The following ERBB4 variants were observed in gnomAD, a reference collection of about 807,000 sequenced individuals.
ERBB4 encodes receptor tyrosine-protein kinase erbB-4.
ERBB4 carries 42 observed loss-of-function variants against 158.0 expected under a neutral mutation model. The ratio of observed to expected loss-of-function variants is 0.27; its 90% CI spans 0.21 to 0.34. The LOEUF (loss-of-function observed/expected upper bound fraction) is 0.34. Among genes scored for constraint, ERBB4 ranks in the 10% least tolerant of loss-of-function variants. The pLI is 1.00. For missense variants in ERBB4, 1,333 were observed against 1,624.1 expected (o/e 0.82, Z 3.08); for synonymous variants, 583 against 558.7 (o/e 1.04, Z -0.61).
intron 1 of ERBB4, among the ~76,000 whole-genome samples, chr2:212,272,216 G>T (rs541976905): frequency 6.6e-6 from 1 of 151,606 alleles, no homozygotes; most frequent in African/African-American, 2.4e-5. Flanking sequence ...TGCCAAAAAG[G>T]TATTTAATTT....
intron 16 of ERBB4, among the ~76,000 whole-genome samples, chr2:211,651,240 T>C (rs894088143): frequency 4.6e-5 from 7 of 152,174 alleles, no homozygotes; most frequent in Non-Finnish European, 1.0e-4. Context: ...AATATGATAA[T>C]ACATTATTTG....
At chr2:212,399,575 T>C (rs1484486776) in intron 1 of ERBB4, among the ~76,000 whole-genome samples, 1 of 81,462 alleles carries the variant, frequency 1.2e-5, no homozygotes, top group Non-Finnish European at 2.4e-5. Context: ...TATATATATA[T>C]ATATATATAT....
chr2:211,855,768 C>G (rs981863778), intron 3 of ERBB4, among the ~76,000 whole-genome samples: 1 of 152,080 alleles, frequency 6.6e-6, no homozygotes, highest in Non-Finnish European at 1.5e-5. Flanking sequence ...CAAGAATATT[C>G]TGTTTGTCCT....
At chr2:211,604,803 G>A (rs1259351468) in intron 19 of ERBB4, among the ~76,000 whole-genome samples, 2 of 152,076 alleles carry the variant, frequency 1.3e-5, no homozygotes, top group African/African-American at 4.8e-5. Flanking sequence ...ATAAAACCCT[G>A]TAGTATTAAT....
At chr2:211,873,418 T>G (rs2078404166) in intron 3 of ERBB4, among the ~76,000 whole-genome samples, 1 of 151,578 alleles carries the variant, frequency 6.6e-6, no homozygotes. Flanking sequence ...CTCTGTAGTT[T>G]CTCTTCATAA....
intron 5 of ERBB4, among the ~76,000 whole-genome samples, chr2:211,743,707 A>G (rs954234343): frequency 1.3e-5 from 2 of 152,216 alleles, no homozygotes; most frequent in African/African-American, 4.8e-5. Flanking sequence ...GACTTCACAT[A>G]GCAGATAAGT....
chr2:212,022,261 A>G (rs1575528589), intron 2 of ERBB4, among the ~76,000 whole-genome samples: 1 of 152,350 alleles, frequency 6.6e-6, no homozygotes, highest in Non-Finnish European at 1.5e-5. Context: ...TATTCACAAT[A>G]GCAAAGTAAT....
chr2:211,388,966 T>C lies in ERBB4; in HGVS notation c.3136-974A>G, dbSNP rs1330163018. Among the ~76,000 whole-genome samples, 5 of 152,210 alleles carry C rather than the reference T, an allele frequency of 3.3e-5. No individual in the cohort carries two copies. The East Asian group carries it at 9.6e-4, about 29-fold the overall frequency. On this transcript the variant is annotated intron_variant, in intron 25 of 27. Coordinates refer to ENST00000342788, the MANE Select transcript of ERBB4 (RefSeq NM_005235.3). ...GCTTGATTTTATGAAGCTTATATTCTCTGCGATCCAGCTTTAAGTAAACAG... is the reference window on the plus strand; with the variant it reads ...GCTTGATTTTATGAAGCTTATATTCCCTGCGATCCAGCTTTAAGTAAACAG...
chr2:212,144,975 C>T lies in ERBB4; in HGVS notation c.83-20072G>A, dbSNP rs77433569. 9.8e-3 allele frequency among the ~76,000 whole-genome samples: 1,488 copies of T among 152,198 alleles called. 29 individuals carry two copies. Among genetic ancestry groups the T allele is most frequent in the African/African-American group, 0.034 (1,409 of 41,524 alleles). ...TGTTTAACAGTTGATATCTCACATT[C>T]GTAAACCACTTTGGGGGAACTAAAA... is the stretch of plus-strand genomic sequence containing the variant. On this transcript the variant is annotated intron_variant, in intron 1 of 27. Coordinates refer to ENST00000342788, the MANE Select transcript of ERBB4 (RefSeq NM_005235.3).
chr2:211,397,124 C>T (rs1342372186), intron 25 of ERBB4, among the ~76,000 whole-genome samples: 1 of 152,004 alleles, frequency 6.6e-6, no homozygotes, highest in Non-Finnish European at 1.5e-5. Flanking sequence ...GAAGGCAACA[C>T]CCCAAGAGAA....
intron 20 of ERBB4, among the ~76,000 whole-genome samples, chr2:211,498,125 T>A (rs80000855): frequency 6.6e-6 from 1 of 152,042 alleles, no homozygotes; most frequent in Non-Finnish European, 1.5e-5. Flanking sequence ...GAGAGACTTC[T>A]GTGTCTCTCA....
intron 1 of ERBB4, among the ~76,000 whole-genome samples, chr2:212,364,759 T>C (rs1472583557): frequency 6.6e-6 from 1 of 151,740 alleles, no homozygotes; most frequent in African/African-American, 2.4e-5. Context: ...ATCCCCAAAA[T>C]ACACTATTCT....
intron 1 of ERBB4, among the ~76,000 whole-genome samples, chr2:212,156,028 C>T (rs1250967456): frequency 1.3e-5 from 2 of 152,196 alleles, no homozygotes; most frequent in East Asian, 3.9e-4. Flanking sequence ...ATGGGGCCCA[C>T]AGGCTTCACC....
rs372836464 is a variant in ERBB4 at position 211,889,482 on chromosome 2, T to A, written c.421+57948A>T. On this transcript the variant is annotated intron_variant, in intron 3 of 27. Coordinates refer to ENST00000342788, the MANE Select transcript of ERBB4 (RefSeq NM_005235.3). ...AACAGAAAAACTGGAAACTCTAAAA[T>A]GCAGAGCGCCTCTCCTCCTCCAAAG... Among the ~76,000 whole-genome samples the A allele has an allele frequency of 3.5e-3, 536 of 151,524 alleles. 2 individuals carry two copies. Among genetic ancestry groups the A allele is most frequent in the Non-Finnish European group, 5.9e-3 (403 of 67,930 alleles).
intron 1 of ERBB4, among the ~76,000 whole-genome samples, chr2:212,193,059 AT>A (rs1396760619): frequency 6.6e-6 from 1 of 152,152 alleles, no homozygotes; most frequent in Non-Finnish European, 1.5e-5. Context: ...CTATTTTACC[AT>A]GTAACTTTCC....
chr2:212,517,232 T>C (rs1256806947), intron 1 of ERBB4, among the ~76,000 whole-genome samples: 2 of 152,138 alleles, frequency 1.3e-5, no homozygotes, highest in Non-Finnish European at 2.9e-5. Context: ...TCATGGCCTG[T>C]GTCAGAAAGA....
chr2:211,944,423 C>T (rs2080621546), intron 3 of ERBB4, among the ~76,000 whole-genome samples: 1 of 151,236 alleles, frequency 6.6e-6, no homozygotes, highest in Non-Finnish European at 1.5e-5. Flanking sequence ...TGATGTTTGG[C>T]AAAATGATTA....
chr2:211,422,657 C>G (rs551321456), intron 23 of ERBB4, among the ~76,000 whole-genome samples: 2 of 151,976 alleles, frequency 1.3e-5, no homozygotes, highest in African/African-American at 4.8e-5. Context: ...CTTATCTCTA[C>G]AGGCTCTGTT....
At chr2:211,916,176 ATTT>A (rs1043694571) in intron 3 of ERBB4, among the ~76,000 whole-genome samples, 14 of 151,488 alleles carry the variant, frequency 9.2e-5, no homozygotes, top group African/African-American at 3.1e-4. Flanking sequence ...TATTATTATT[ATTT>A]ATTTTGTTTA....
Sources: allele counts gnomAD v4.1 joint callset (sites outside exome capture counted in the v4.1 genomes callset), GRCh38; gene constraint gnomAD v4.1.1; transcripts MANE v1.5; gene names NCBI Gene and HGNC (gene_info 2026-07-23, HGNC 2026-07-21).